Variants in PRAG1 observed in about 807,000 individuals in gnomAD.
The protein encoded by PRAG1 is PEAK1 related, kinase-activating pseudokinase 1, also known as inactive tyrosine-protein kinase PRAG1.
Under a neutral mutation model 95.6 loss-of-function variants are expected in PRAG1, and 110 were observed. The ratio of observed to expected loss-of-function variants is 1.15; its 90% CI spans 0.99 to 1.35. The LOEUF is 1.35. Among genes scored for constraint, PRAG1 ranks in the 40% most tolerant of loss-of-function variants. The probability of loss-of-function intolerance (pLI) is 0.00; values close to 1 mark genes in which losing one functional copy is unlikely to be tolerated. For missense variants in PRAG1, 2,554 were observed against 1,864.7 expected, an observed-to-expected ratio of 1.37 and a Z score of -6.81; for synonymous variants, 1,052 against 819.4, an observed-to-expected ratio of 1.28 and a Z score of -4.85.
rs112199917 is a variant in PRAG1 at position 8,375,204 on chromosome 8, G to T, written c.2162+1043C>A. Reference sequence around the variant, plus strand: ...AACACAAAACTACATTTTTTTCTTTGTTTTTTTTTTTGTTTTTTTGAGACA... The same window carrying T: ...AACACAAAACTACATTTTTTTCTTTTTTTTTTTTTTTGTTTTTTTGAGACA... On this transcript the variant is annotated intron_variant, in intron 3 of 5. Coordinates refer to ENST00000615670, the MANE Select transcript of PRAG1 (RefSeq NM_001080826.3). Among the ~76,000 whole-genome samples, 38 of 94,424 alleles carry T rather than the reference G, an allele frequency of 4.0e-4. No individual in the cohort carries two copies. The East Asian group carries it at 8.8e-3, about 22-fold the overall frequency. 61.9% of individuals were successfully genotyped at this position (94,424 alleles called of 152,430 possible).
In PRAG1 at chr8:8,318,351, T is replaced by G; in HGVS notation, c.4024A>C (p.Thr1342Pro). The part of the protein sequence containing the change: ...PRRELVQQPG[T>P]SEEALCGTLH... The stretch of plus-strand genomic sequence containing the variant: ...GTGCCGCACAGCGCCTCCTCCGAGG[T>G]GCCCGGCTGCTGCACCAGCTCGCGC... The change falls in exon 6 of 6, where the codon ACC becomes CCC. Residue 1342 changes from threonine (T) to proline (P), a missense_variant. Thr to Pro is a conservative substitution (Grantham distance 38). Coordinates refer to ENST00000615670, the MANE Select transcript of PRAG1 (RefSeq NM_001080826.3). The surrounding 1 kb of genome is among the most constrained non-coding windows in gnomAD (Gnocchi z 4.2). 1 of 1,613,922 alleles carries G rather than the reference T, an allele frequency of 6.2e-7. No homozygotes were observed. The highest frequency in any genetic ancestry group is 8.5e-7 in the Non-Finnish European group (1 of 1,179,870).
chr8:8,381,800 T>C lies in PRAG1; in HGVS notation c.-53A>G. On this transcript the variant is annotated 5_prime_UTR_variant, in exon 2 of 6. Coordinates refer to ENST00000615670, the MANE Select transcript of PRAG1 (RefSeq NM_001080826.3). Reference sequence around the variant, plus strand: ...TTGCGCCCGGCTCTCTGGTGCAGTTTTGTGGGATTCAGAGGTGGGTCACAG... The same window carrying C: ...TTGCGCCCGGCTCTCTGGTGCAGTTCTGTGGGATTCAGAGGTGGGTCACAG... 1.4e-6 allele frequency: 2 copies of C among 1,462,096 alleles called. No homozygotes were observed. The highest frequency in any genetic ancestry group is 2.8e-5 in the South Asian group (2 of 71,520). The allele number at this position is 1,462,096 out of a possible 1,614,324, so 90.6% of individuals were successfully genotyped here.
intron 3 of PRAG1, among the ~76,000 whole-genome samples, chr8:8,367,920 C>G (rs1009338684): frequency 1.3e-5 from 2 of 152,162 alleles, no homozygotes; most frequent in African/African-American, 4.8e-5. Flanking sequence ...GGATTACAGG[C>G]GTGAGCCATC....
At chr8:8,370,141 G>C (rs576816472) in intron 3 of PRAG1, among the ~76,000 whole-genome samples, 1 of 152,358 alleles carries the variant, frequency 6.6e-6, no homozygotes, top group Admixed American at 6.5e-5. Flanking sequence ...ACATACTGCT[G>C]TCAAATCAGT....
intron 3 of PRAG1, among the ~76,000 whole-genome samples, chr8:8,353,207 C>A (rs934986847): frequency 6.6e-6 from 1 of 152,138 alleles, no homozygotes; most frequent in African/African-American, 2.4e-5. Context: ...AAGCTTTAGA[C>A]CAAATGGACC....
At chr8:8,340,548 C>T (rs1585236185) in intron 3 of PRAG1, among the ~76,000 whole-genome samples, 2 of 152,226 alleles carry the variant, frequency 1.3e-5, no homozygotes, top group African/African-American at 4.8e-5. Context: ...GTTCCTTCTA[C>T]GGCAGATCCA....
chr8:8,334,660 G>A (rs1242561837), intron 4 of PRAG1, among the ~76,000 whole-genome samples: 2 of 149,566 alleles, frequency 1.3e-5, no homozygotes, highest in East Asian at 3.9e-4. Context: ...TTGGAAAACA[G>A]GCTCTAAGTA....
intron 3 of PRAG1, among the ~76,000 whole-genome samples, chr8:8,353,016 CACA>C (rs1397880955): frequency 6.6e-6 from 1 of 151,978 alleles, no homozygotes; most frequent in Non-Finnish European, 1.5e-5. Flanking sequence ...ATCAAGAGGA[CACA>C]ACAATTGTAA....
At chr8:8,366,915 T>G (rs1178298109) in intron 3 of PRAG1, among the ~76,000 whole-genome samples, 1 of 152,112 alleles carries the variant, frequency 6.6e-6, no homozygotes, top group Non-Finnish European at 1.5e-5. Context: ...TGGGTGCAAG[T>G]GATTCTCCTG....
intron 4 of PRAG1, among the ~76,000 whole-genome samples, chr8:8,335,819 G>A (rs1354846062): frequency 6.6e-6 from 1 of 152,034 alleles, no homozygotes; most frequent in Admixed American, 6.6e-5. Context: ...CTACCAGAAT[G>A]TAAGCCCCTT....
Position 8,339,829 on chromosome 8 carries a change from C to T in PRAG1, c.2163-194G>A, listed in dbSNP as rs530273523. ...TCTTATGTGCATGAATGACAGGAGACTTCCAGAGTGTGGTTAGGAGAAGCG... is the reference window on the plus strand; with the variant it reads ...TCTTATGTGCATGAATGACAGGAGATTTCCAGAGTGTGGTTAGGAGAAGCG... On this transcript the variant is annotated intron_variant, in intron 3 of 5. Transcript: ENST00000615670. Among the ~76,000 whole-genome samples the T allele has an allele frequency of 2.0e-5, 3 of 152,230 alleles. No individual in the cohort carries two copies. The South Asian group carries it at 6.2e-4, about 32-fold the overall frequency.
At chr8:8,352,111 A>G (rs1030470309) in intron 3 of PRAG1, among the ~76,000 whole-genome samples, 1 of 152,210 alleles carries the variant, frequency 6.6e-6, no homozygotes, top group Admixed American at 6.5e-5. Context: ...GCTTCAGTGT[A>G]TTTTATACTA....
intron 5 of PRAG1, among the ~76,000 whole-genome samples, chr8:8,323,198 G>A (rs571112622): frequency 1.1e-4 from 16 of 152,156 alleles, no homozygotes; most frequent in Non-Finnish European, 2.4e-4. Context: ...GTCCCCAAAC[G>A]AATCTCATCT....
At chr8:8,378,319 C>T (rs1800506591) in intron 2 of PRAG1, among the ~76,000 whole-genome samples, 1 of 152,116 alleles carries the variant, frequency 6.6e-6, no homozygotes. Context: ...CCCTTCCTAC[C>T]CATGGACTGT....
At chr8:8,363,586 A>G (rs1343773181) in intron 3 of PRAG1, among the ~76,000 whole-genome samples, 1 of 152,194 alleles carries the variant, frequency 6.6e-6, no homozygotes, top group Non-Finnish European at 1.5e-5. Flanking sequence ...AAGTTGTTTA[A>G]AGGTGGAGAG....
At position 8,345,379 on chromosome 8, in the gene PRAG1, A is replaced by AG. The variant is rs563989989; in HGVS notation, c.2163-5745_2163-5744insC. On this transcript the variant is annotated intron_variant, in intron 3 of 5. Coordinates refer to ENST00000615670, the MANE Select transcript of PRAG1 (RefSeq NM_001080826.3). ...GACCCTGTCTCTACAAAAAAAAAAA[A>AG]AAAGAAAGAAAGAAAGAAAAAGAAA... 2.5e-3 allele frequency among the ~76,000 whole-genome samples: 375 copies of AG among 151,540 alleles called. 3 individuals carry two copies. Among genetic ancestry groups the AG allele is most frequent in the African/African-American group, 8.2e-3 (340 of 41,274 alleles).
At position 8,318,496 on chromosome 8, in the gene PRAG1, C is replaced by A. The variant is rs772135974; in HGVS notation, c.3879G>T (p.Leu1293=). The A allele has an allele frequency of 5.6e-6, 9 of 1,612,180 alleles. 1 individual carries two copies. In the South Asian group the frequency reaches 9.9e-5, roughly 18 times the overall value. The change falls in exon 6 of 6, where the codon CTG becomes CTT. Residue 1293 remains leucine, a synonymous_variant. Transcript: ENST00000615670. This position sits in a 1 kb window ranked among gnomAD's most constrained non-coding sequence, Gnocchi z 4.2. ...GCTGCAGGCCGGGTGAGTAGAGGGA[C>A]AGCGCGGGCAGCGGCGGCAGGTCCT... is the stretch of plus-strand genomic sequence containing the variant. ...RQEDLPPLPA[L]SLYSPGLQQL...
chr8:8,348,382 A>G (rs1475678427), intron 3 of PRAG1, among the ~76,000 whole-genome samples: 1 of 152,228 alleles, frequency 6.6e-6, no homozygotes, highest in Admixed American at 6.5e-5. Flanking sequence ...TGACAGAAAC[A>G]CACATCTCAA....
intron 3 of PRAG1, among the ~76,000 whole-genome samples, chr8:8,369,953 A>T (rs952798062): frequency 3.3e-5 from 5 of 152,202 alleles, no homozygotes; most frequent in African/African-American, 1.2e-4. Flanking sequence ...TAGCAACTCA[A>T]TTCTCAGGAT....
Sources: gnomAD v4.1 joint callset for allele counts (sites outside exome capture counted in the v4.1 genomes callset) on GRCh38, gnomAD v4.1.1 for gene constraint, Gnocchi (gnomAD v3.1) non-coding constraint, MANE v1.5 for transcripts, NCBI Gene and HGNC (gene_info 2026-07-23, HGNC 2026-07-21) for gene names.